Variants in MAP3K4 observed in about 807,000 individuals in gnomAD.
MAP3K4 encodes the protein mitogen-activated protein kinase kinase kinase 4.
Under a neutral mutation model 185.6 loss-of-function variants are expected in MAP3K4, and 67 were observed. That is an observed-to-expected ratio of 0.36 (90% CI 0.30 to 0.44). The LOEUF (loss-of-function observed/expected upper bound fraction) is 0.44, where lower values mean the gene tolerates loss of function less well. MAP3K4 is among the 20% of genes least tolerant of loss of function. The pLI is 1.00. For synonymous variants in MAP3K4, 702 were observed against 710.4 expected, an observed-to-expected ratio of 0.99 and a Z score of 0.19; for missense variants, 1,551 against 1,995.1, an observed-to-expected ratio of 0.78 and a Z score of 4.24.
chr6:161,053,930 G>C lies in MAP3K4; in HGVS notation c.1707+3951G>C, dbSNP rs779044596. On this transcript the variant is annotated intron_variant, in intron 3 of 26. Transcript: ENST00000392142. This position sits in a 1 kb window ranked among gnomAD's most constrained non-coding sequence, Gnocchi z 4.2. ...TCTTAATTGTTAAAATATCTGAACT[G>C]ACAAGGTACCACAGATTGTACATAA... is the stretch of plus-strand genomic sequence containing the variant. Among the ~76,000 whole-genome samples, 7 of 152,048 alleles carry C rather than the reference G, an allele frequency of 4.6e-5. No individual in the cohort carries two copies. Among genetic ancestry groups the C allele is most frequent in the Admixed American group, 2.0e-4 (3 of 15,258 alleles).
intron 23 of MAP3K4, among the ~76,000 whole-genome samples, chr6:161,111,299 A>G (rs1286697343): frequency 1.3e-5 from 2 of 152,256 alleles, no homozygotes; most frequent in Non-Finnish European, 1.5e-5. Context: ...AGAGATGAAC[A>G]GTATTCCCAA....
Position 161,108,949 on chromosome 6 carries a change from A to G in MAP3K4, c.4236+90A>G, listed in dbSNP as rs1778226410. The G allele has an allele frequency of 6.2e-7, 1 of 1,610,776 alleles. No individual in the cohort carries two copies. The highest frequency in any genetic ancestry group is 1.1e-5 in the South Asian group (1 of 90,824). ...TCTACATCACAGGTCTTCTCATTTC[A>G]GAGCACAGTAACTTTGCCTAATTCT... On this transcript the variant is annotated intron_variant, in intron 22 of 26. Coordinates refer to ENST00000392142, the MANE Select transcript of MAP3K4 (RefSeq NM_005922.4). The surrounding 1 kb of genome is among the most constrained non-coding windows in gnomAD (Gnocchi z 5.7).
rs994460222 is a variant in MAP3K4, at chr6:161,109,697, A to G, written c.4237-58A>G. 4.4e-6 allele frequency: 7 copies of G among 1,582,598 alleles called. No homozygotes were observed. The highest frequency in any genetic ancestry group is 6.1e-6 in the Non-Finnish European group (7 of 1,154,498). On this transcript the variant is annotated intron_variant, in intron 22 of 26. Coordinates refer to ENST00000392142, the MANE Select transcript of MAP3K4 (RefSeq NM_005922.4). This position sits in a 1 kb window ranked among gnomAD's most constrained non-coding sequence, Gnocchi z 5.7. Reference sequence around the variant, plus strand: ...GCCTAGGAAGTTTTCCAGATTTTTCACTAGCGTACATCTAAGGAAAACCGT... The same window carrying G: ...GCCTAGGAAGTTTTCCAGATTTTTCGCTAGCGTACATCTAAGGAAAACCGT...
rs116245157 is a variant in MAP3K4 at position 161,074,129 on chromosome 6, G to A, written c.2097+517G>A. 2.6e-3 allele frequency among the ~76,000 whole-genome samples: 395 copies of A among 152,312 alleles called. 4 individuals carry two copies. Among genetic ancestry groups the A allele is most frequent in the African/African-American group, 8.9e-3 (369 of 41,554 alleles). On this transcript the variant is annotated intron_variant, in intron 5 of 26. Transcript: ENST00000392142. This position sits in a 1 kb window ranked among gnomAD's most constrained non-coding sequence, Gnocchi z 5.0. The stretch of plus-strand genomic sequence containing the variant: ...AGGCATGGTAGATGGTAACGCCCCC[G>A]AGGGCTCGGTGCCAGCAGAGAAGCT...
Position 160,996,233 on chromosome 6 carries a change from G to C in MAP3K4, c.152+4150G>C, listed in dbSNP as rs942141682. 6.6e-6 allele frequency among the ~76,000 whole-genome samples: 1 copy of C among 152,156 alleles called. No homozygotes were observed. Among genetic ancestry groups the C allele is most frequent in the Non-Finnish European group, 1.5e-5 (1 of 68,030 alleles). ...CACTGTAACAGTAGATGCCATTGGCGGGGGTGGCGTTAGGCAGAGAGGAGT... is the reference window on the plus strand; with the variant it reads ...CACTGTAACAGTAGATGCCATTGGCCGGGGTGGCGTTAGGCAGAGAGGAGT... On this transcript the variant is annotated intron_variant, in intron 1 of 26. Coordinates refer to ENST00000392142, the MANE Select transcript of MAP3K4 (RefSeq NM_005922.4). This position sits in a 1 kb window ranked among gnomAD's most constrained non-coding sequence, Gnocchi z 4.5.
At position 161,007,457 on chromosome 6, in the gene MAP3K4, C is replaced by T. The variant is rs778209598; in HGVS notation, c.152+15374C>T. Among the ~76,000 whole-genome samples the T allele has an allele frequency of 6.6e-5, 10 of 152,122 alleles. No homozygotes were observed. Among genetic ancestry groups the T allele is most frequent in the Non-Finnish European group, 1.2e-4 (8 of 68,020 alleles). ...GTTAGCCATTTCTTGGAACACAGAA[C>T]GTGGATTTCCTATCCATTGCTCTCT... On this transcript the variant is annotated intron_variant, in intron 1 of 26. Coordinates refer to ENST00000392142, the MANE Select transcript of MAP3K4 (RefSeq NM_005922.4). This position sits in a 1 kb window ranked among gnomAD's most constrained non-coding sequence, Gnocchi z 4.5.
Position 161,017,904 on chromosome 6 carries a change from T to C in MAP3K4, c.153-16355T>C, listed in dbSNP as rs1782188733. On this transcript the variant is annotated intron_variant, in intron 1 of 26. Coordinates refer to ENST00000392142, the MANE Select transcript of MAP3K4 (RefSeq NM_005922.4). The surrounding 1 kb of genome is among the most constrained non-coding windows in gnomAD (Gnocchi z 5.1). ...AACCCTAAAAATACACAGAACAGTTTTTTTAGATTAAAAAATATAAATATG... is the reference window on the plus strand; with the variant it reads ...AACCCTAAAAATACACAGAACAGTTCTTTTAGATTAAAAAATATAAATATG... 3.3e-5 allele frequency among the ~76,000 whole-genome samples: 5 copies of C among 152,336 alleles called. No homozygotes were observed. The South Asian group carries it at 1.0e-3, about 32-fold the overall frequency.
Position 161,071,742 on chromosome 6 carries a change from G to A in MAP3K4, c.1950+892G>A, listed in dbSNP as rs1489423110. Among the ~76,000 whole-genome samples the A allele has an allele frequency of 1.3e-5, 2 of 152,274 alleles. No individual in the cohort carries two copies. The highest frequency in any genetic ancestry group is 2.1e-4 in the South Asian group (1 of 4,818). ...ATCCCTTTGGTTCATACCCAGCACC[G>A]CCAGAGCTCTGTTTCCATGTTAGCT... On this transcript the variant is annotated intron_variant, in intron 4 of 26. Transcript: ENST00000392142. The surrounding 1 kb of genome is among the most constrained non-coding windows in gnomAD (Gnocchi z 4.6).
intron 1 of MAP3K4, among the ~76,000 whole-genome samples, chr6:161,020,161 A>G (rs1782310421): frequency 6.6e-6 from 1 of 152,346 alleles, no homozygotes; most frequent in Non-Finnish European, 1.5e-5. Flanking sequence ...GATATTTCTA[A>G]AAGAGAAACT....
In MAP3K4 at chr6:161,084,927, AC is replaced by A. The variant is rs1346080412; in HGVS notation, c.2372+312del. 6.6e-6 allele frequency among the ~76,000 whole-genome samples: 1 copy of A among 152,126 alleles called. No individual in the cohort carries two copies. Among genetic ancestry groups the A allele is most frequent in the Non-Finnish European group, 1.5e-5 (1 of 68,034 alleles). On this transcript the variant is annotated intron_variant, in intron 7 of 26. Transcript: ENST00000392142. This position sits in a 1 kb window ranked among gnomAD's most constrained non-coding sequence, Gnocchi z 4.6. ...TTTGGGAGGCCGAGGTGGGTGAATC[AC>A]CAGGTCAGGAGTTCAAGACCAGCCT...
At position 161,014,671 on chromosome 6, in the gene MAP3K4, C is replaced by T. The variant is rs1303952735; in HGVS notation, c.153-19588C>T. Among the ~76,000 whole-genome samples, 7 of 152,162 alleles carry T rather than the reference C, an allele frequency of 4.6e-5. No homozygotes were observed. In the South Asian group the frequency reaches 6.2e-4, roughly 14 times the overall value. On this transcript the variant is annotated intron_variant, in intron 1 of 26. Coordinates refer to ENST00000392142, the MANE Select transcript of MAP3K4 (RefSeq NM_005922.4). ...TCTCTAGGATATCAGAAAGTGTTCT[C>T]ATTGGAATTGGAATTCACATGGAGA...
intron 1 of MAP3K4, among the ~76,000 whole-genome samples, chr6:160,997,725 T>TG (rs906191655): frequency 6.6e-6 from 1 of 152,208 alleles, no homozygotes; most frequent in African/African-American, 2.4e-5. Flanking sequence ...CTACCTTATT[T>TG]GGGGGAATTC....
chr6:161,092,211 C>A, intron 13 of MAP3K4, 68 bp downstream of exon 13: 1 of 1,552,596 alleles, frequency 6.4e-7, no homozygotes, highest in Non-Finnish European at 8.8e-7. Flanking sequence ...CATATATGTT[C>A]TGTGGGATTC....
At chr6:161,020,128 G>A (rs1206547814) in intron 1 of MAP3K4, among the ~76,000 whole-genome samples, 2 of 152,108 alleles carry the variant, frequency 1.3e-5, no homozygotes, top group Admixed American at 6.5e-5. Context: ...TATCCTTTAG[G>A]TGTTGAATAC....
At chr6:161,005,732 A>G (rs1781553747) in intron 1 of MAP3K4, among the ~76,000 whole-genome samples, 1 of 152,184 alleles carries the variant, frequency 6.6e-6, no homozygotes, top group African/African-American at 2.4e-5. Context: ...TACAAGTAGA[A>G]TAAAAATCTG....
rs180685410 is a variant in MAP3K4 at position 161,081,930 on chromosome 6, C to G, written c.2255+892C>G. 1.1e-3 allele frequency among the ~76,000 whole-genome samples: 170 copies of G among 152,330 alleles called. 2 individuals carry two copies. The highest frequency in any genetic ancestry group is 2.1e-3 in the Non-Finnish European group (141 of 68,030). On this transcript the variant is annotated intron_variant, in intron 6 of 26. Transcript: ENST00000392142. ...TCCTAGACCCCATTGCATTTTGTCT[C>G]TTGTATTAGAGCAGCAGCTTCTGCT...
intron 18 of MAP3K4, among the ~76,000 whole-genome samples, chr6:161,102,408 C>T (rs1481060605): frequency 6.6e-6 from 1 of 152,144 alleles, no homozygotes; most frequent in Non-Finnish European, 1.5e-5. Context: ...CTGAAGCTAA[C>T]ATCTTGAATG....
rs1784464873 is a variant in MAP3K4, at chr6:161,061,006, T to C, written c.1708-9602T>C. 6.6e-6 allele frequency among the ~76,000 whole-genome samples: 1 copy of C among 152,224 alleles called. No homozygotes were observed. Among genetic ancestry groups the C allele is most frequent in the South Asian group, 2.1e-4 (1 of 4,834 alleles). On this transcript the variant is annotated intron_variant, in intron 3 of 26. Transcript: ENST00000392142. The surrounding 1 kb of genome is among the most constrained non-coding windows in gnomAD (Gnocchi z 4.2). ...CAAGACCACTGTCTGTACCCCAGCA[T>C]TGTTCATTGCAGCAGAAATTGTGGC...
rs921363275 is a variant in MAP3K4, at chr6:161,073,973, A to G, written c.2097+361A>G. Among the ~76,000 whole-genome samples the G allele has an allele frequency of 6.6e-6, 1 of 152,240 alleles. No homozygotes were observed. The highest frequency in any genetic ancestry group is 2.4e-5 in the African/African-American group (1 of 41,472). ...TATGGCAGAATGGCCCAGAAGTAGA[A>G]TCAAAATATGGTCCTATGTTAGTGA... is the stretch of plus-strand genomic sequence containing the variant. On this transcript the variant is annotated intron_variant, in intron 5 of 26. Coordinates refer to ENST00000392142, the MANE Select transcript of MAP3K4 (RefSeq NM_005922.4). The surrounding 1 kb of genome is among the most constrained non-coding windows in gnomAD (Gnocchi z 4.2).
Sources: allele counts gnomAD v4.1 joint callset (sites outside exome capture counted in the v4.1 genomes callset), GRCh38; gene constraint gnomAD v4.1.1; non-coding constraint Gnocchi (gnomAD v3.1); transcripts MANE v1.5; gene names NCBI Gene and HGNC (gene_info 2026-07-23, HGNC 2026-07-21).